RPS3: variants seen among roughly 807,000 people sequenced by gnomAD.
The protein encoded by RPS3 is ribosomal protein S3.
A neutral mutation model predicts 25.8 loss-of-function variants in RPS3; 2 were observed. The ratio of observed to expected loss-of-function variants is 0.08; its 90% confidence interval spans 0.03 to 0.24. The LOEUF (loss-of-function observed/expected upper bound fraction) is 0.24, where lower values mean the gene tolerates loss of function less well. Ranked by LOEUF, RPS3 falls within the 10% of genes least tolerant of loss-of-function variation. The pLI is 1.00. For synonymous variants in RPS3, 114 were observed against 114.2 expected (o/e 1.00, Z 0.01); for missense variants, 107 against 307.1 (o/e 0.35, Z 4.87).
At chr11:75,418,581 G>A (rs931190376) in intron 6 of RPS3, among the ~76,000 whole-genome samples, 1 of 152,172 alleles carries the variant, frequency 6.6e-6, no homozygotes, top group Non-Finnish European at 1.5e-5. Flanking sequence ...TAGTATTCCT[G>A]TGTTCATAAA....
At chr11:75,413,266 A>C (rs1056993707) in intron 6 of RPS3, among the ~76,000 whole-genome samples, 4 of 150,182 alleles carry the variant, frequency 2.7e-5, no homozygotes, top group African/African-American at 9.9e-5. Flanking sequence ...TTTTTGAGAC[A>C]GTCTCACTCT....
At chr11:75,416,288 T>C (rs1321391186) in intron 6 of RPS3, among the ~76,000 whole-genome samples, 1 of 152,150 alleles carries the variant, frequency 6.6e-6, no homozygotes, top group Non-Finnish European at 1.5e-5. Context: ...CCTAAATTCA[T>C]GATATTGGAT....
rs573874986 is a variant in RPS3 at position 75,415,741 on chromosome 11, G to C, written c.*4-5986G>C. Among the ~76,000 whole-genome samples, 58 of 151,794 alleles carry C rather than the reference G, an allele frequency of 3.8e-4. 1 individual carries two copies. Among genetic ancestry groups the C allele is most frequent in the African/African-American group, 1.4e-3 (56 of 41,366 alleles). On this transcript the variant is annotated intron_variant, in intron 6 of 6. Transcript: ENST00000527446. The stretch of plus-strand genomic sequence containing the variant: ...AAATCTCTTGAACCTGGGAGGCAGA[G>C]GTTGCGGTGAGCCGATATCGTGCCA...
chr11:75,418,111 TC>T (rs1948414067), intron 6 of RPS3, among the ~76,000 whole-genome samples: 1 of 152,170 alleles, frequency 6.6e-6, no homozygotes, highest in Non-Finnish European at 1.5e-5. Flanking sequence ...GTCTGCCCCA[TC>T]CCTAAGGCCA....
intron 6 of RPS3, among the ~76,000 whole-genome samples, chr11:75,413,609 G>C (rs1253095386): frequency 6.6e-6 from 1 of 152,168 alleles, no homozygotes; most frequent in Non-Finnish European, 1.5e-5. Flanking sequence ...CTGAATGTGT[G>C]TATTTTTATC....
downstream of RPS3, among the ~76,000 whole-genome samples, chr11:75,407,958 T>C (rs1948305123): frequency 6.6e-6 from 1 of 152,164 alleles, no homozygotes; most frequent in African/African-American, 2.4e-5. Flanking sequence ...GAGTAATAGC[T>C]TAAGGAGAAA....
chr11:75,410,737 A>G (rs1322348537), downstream of RPS3, among the ~76,000 whole-genome samples: 1 of 152,092 alleles, frequency 6.6e-6, no homozygotes, highest in East Asian at 1.9e-4. Flanking sequence ...CAATCCCGGC[A>G]CCTCGGGAGG....
Position 75,404,507 on chromosome 11 carries a change from A to G in RPS3, c.539-165A>G, listed in dbSNP as rs755957175. ...GCCATGTTCTGTGGTGCTGTGCACGAGTTCCTTTGGCAGAAGTGTCCTATT... is the reference window on the plus strand; with the variant it reads ...GCCATGTTCTGTGGTGCTGTGCACGGGTTCCTTTGGCAGAAGTGTCCTATT... On this transcript the variant is annotated intron_variant, in intron 5 of 6. Coordinates refer to ENST00000531188, the MANE Select transcript of RPS3 (RefSeq NM_001005.5). The surrounding 1 kb of genome is among the most constrained non-coding windows in gnomAD (Gnocchi z 4.6). 1.2e-6 allele frequency: 1 copy of G among 821,296 alleles called. No individual in the cohort carries two copies. The highest frequency in any genetic ancestry group is 1.7e-5 in the Admixed American group (1 of 59,016). 50.9% of individuals were successfully genotyped at this position (821,296 alleles called of 1,614,324 possible).
intron 6 of RPS3, among the ~76,000 whole-genome samples, chr11:75,413,547 C>T (rs183540615): frequency 5.3e-5 from 8 of 152,310 alleles, no homozygotes; most frequent in African/African-American, 1.9e-4. Context: ...TGAGCCACCG[C>T]GCCCAGCCCT....
rs542284636 is a variant in RPS3, at chr11:75,415,747, G to A, written c.*4-5980G>A. Reference sequence around the variant, plus strand: ...CTTGAACCTGGGAGGCAGAGGTTGCGGTGAGCCGATATCGTGCCACTGCAC... The same window carrying A: ...CTTGAACCTGGGAGGCAGAGGTTGCAGTGAGCCGATATCGTGCCACTGCAC... On this transcript the variant is annotated intron_variant, in intron 6 of 6. Coordinates refer to the RPS3 transcript ENST00000527446. Among the ~76,000 whole-genome samples, 23 of 150,854 alleles carry A rather than the reference G, an allele frequency of 1.5e-4. No homozygotes were observed. In the East Asian group the frequency reaches 1.8e-3, roughly 12 times the overall value.
chr11:75,405,742 G>A lies in RPS3; in HGVS notation c.*132G>A. Reference sequence around the variant, plus strand: ...CAGACTGAGGGGCATGTTGGCCTCTGGAGCATTACATATCTTCTTGGTTTT... The same window carrying A: ...CAGACTGAGGGGCATGTTGGCCTCTAGAGCATTACATATCTTCTTGGTTTT... On this transcript the variant is annotated 3_prime_UTR_variant, in exon 7 of 7. Transcript: ENST00000531188. 1 of 438,432 alleles carries A rather than the reference G, an allele frequency of 2.3e-6. No homozygotes were observed. The highest frequency in any genetic ancestry group is 4.6e-6 in the Non-Finnish European group (1 of 219,490). 27.2% of individuals were successfully genotyped at this position (438,432 alleles called of 1,614,324 possible).
At chr11:75,402,193 T>C in intron 3 of RPS3, 159 bp from the exon 4 acceptor site, 5 of 1,028,764 alleles carry the variant, frequency 4.9e-6, no homozygotes, top group Non-Finnish European at 7.1e-6. Context: ...GTTGAATTTG[T>C]GTTGGGCCAC....
rs961178685 is a variant in RPS3, at chr11:75,405,887, T to C, written c.*277T>C. 8.0e-6 allele frequency: 2 copies of C among 250,780 alleles called. No individual in the cohort carries two copies. The highest frequency in any genetic ancestry group is 2.3e-5 in the African/African-American group (1 of 44,294). 15.5% of individuals were successfully genotyped at this position (250,780 alleles called of 1,614,324 possible). A position where few individuals can be genotyped will look rare whatever the true frequency, so the allele number is the denominator to read the frequency against. ...CAAGCAAGGCAGCACCTTGATTCGT[T>C]GTCCTGTAGTTCAGGATTGTAGGTT... On this transcript the variant is annotated 3_prime_UTR_variant, in exon 7 of 7. Coordinates refer to ENST00000531188, the MANE Select transcript of RPS3 (RefSeq NM_001005.5).
rs929729764 is a variant in RPS3, at chr11:75,406,873, A to T, written c.*1263A>T. Reference sequence around the variant, plus strand: ...GTTGTAACAGCTATGTAGCATGTACATTAGGTATTAAAAGTAATCCAGTGA... The same window carrying T: ...GTTGTAACAGCTATGTAGCATGTACTTTAGGTATTAAAAGTAATCCAGTGA... On this transcript the variant is annotated 3_prime_UTR_variant, in exon 7 of 7. Transcript: ENST00000531188. 1 of 152,228 alleles carries T rather than the reference A, an allele frequency of 6.6e-6. No individual in the cohort carries two copies. Among genetic ancestry groups the T allele is most frequent in the Non-Finnish European group, 1.5e-5 (1 of 68,032 alleles). The allele number at this position is 152,228 out of a possible 1,614,324, so 9.4% of individuals were successfully genotyped here.
downstream of RPS3, among the ~76,000 whole-genome samples, chr11:75,411,722 A>G (rs1948358227): frequency 6.6e-6 from 1 of 152,210 alleles, no homozygotes; most frequent in Non-Finnish European, 1.5e-5. Flanking sequence ...GGGAGAGTTG[A>G]AAATGCTTGT....
intron 6 of RPS3, among the ~76,000 whole-genome samples, chr11:75,415,681 C>T (rs1223964224): frequency 1.3e-5 from 2 of 152,062 alleles, no homozygotes; most frequent in African/African-American, 4.8e-5. Context: ...TGGTGGGTGC[C>T]TGTAATTCCA....
At chr11:75,408,316 A>G (rs1948308489), downstream of RPS3, among the ~76,000 whole-genome samples, 1 of 152,168 alleles carries the variant, frequency 6.6e-6, no homozygotes, top group Admixed American at 6.5e-5. Context: ...CAGCCTGGAC[A>G]ACATGGTGAA....
chr11:75,402,283 T>A, intron 3 of RPS3, 69 bp from the exon 4 acceptor site: 1 of 1,592,774 alleles, frequency 6.3e-7, no homozygotes, highest in African/African-American at 1.3e-5. Context: ...GTGTGGCAAA[T>A]GCCAAATTTT....
rs1948197347 is a variant in RPS3, at chr11:75,400,723, A to G, written c.60A>G (p.Glu20=). ...KFVADGIFKA[E]LNEFLTRELA... ...TCGCTGATGGCATCTTCAAAGCTGA[A>G]CTGAATGAGTTTCTTACTCGGGAGC... is the stretch of plus-strand genomic sequence containing the variant. Residue 20 remains glutamate (E), a synonymous_variant, in exon 2 of 7, where the codon GAA becomes GAG. Coordinates refer to ENST00000531188, the MANE Select transcript of RPS3 (RefSeq NM_001005.5). 1 of 1,613,132 alleles carries G rather than the reference A, an allele frequency of 6.2e-7. No homozygotes were observed. The highest frequency in any genetic ancestry group is 1.7e-5 in the Admixed American group (1 of 59,988).
Sources: gnomAD v4.1 joint callset for allele counts (sites outside exome capture counted in the v4.1 genomes callset) on GRCh38, gnomAD v4.1.1 for gene constraint, Gnocchi (gnomAD v3.1) non-coding constraint, MANE v1.5 for transcripts, NCBI Gene and HGNC (gene_info 2026-07-23, HGNC 2026-07-21) for gene names.